TTC6: variants seen among roughly 807,000 people sequenced by gnomAD.
The protein encoded by TTC6 is tetratricopeptide repeat protein 6.
In TTC6, 172 loss-of-function variants were observed where a neutral mutation model predicts 210.4. That is an observed-to-expected ratio of 0.82 (90% CI 0.72 to 0.93). The LOEUF is 0.93. TTC6 is among the 40% of genes least tolerant of loss of function. The pLI is 0.00. For synonymous variants in TTC6, 804 were observed against 819.6 expected (o/e 0.98, Z 0.32); for missense variants, 2,414 against 2,318.1 (o/e 1.04, Z -0.85).
chr14:37,616,739 CAAAAAAAA>C (rs11416796), intron 2 of TTC6, among the ~76,000 whole-genome samples: 1 of 98,268 alleles, frequency 1.0e-5, no homozygotes, highest in African/African-American at 3.9e-5. Flanking sequence ...TACTCCATCT[CAAAAAAAA>C]AAAAAAAAAA....
chr14:37,674,032 T>G (rs2095763726), intron 1 of TTC6, among the ~76,000 whole-genome samples: 1 of 152,178 alleles, frequency 6.6e-6, no homozygotes. Context: ...AGCAAAATAC[T>G]AATTGTGCTA....
chr14:37,627,982 T>C (rs1300190943), intron 1 of TTC6, among the ~76,000 whole-genome samples: 2 of 152,146 alleles, frequency 1.3e-5, no homozygotes, highest in Non-Finnish European at 2.9e-5. Context: ...TTTTTGTTTT[T>C]GTTTTGAGAT....
chr14:37,759,384 T>C (rs1480089127), intron 14 of TTC6, among the ~76,000 whole-genome samples: 10 of 152,224 alleles, frequency 6.6e-5, no homozygotes, highest in Admixed American at 5.9e-4. Flanking sequence ...GTTAGTCTGA[T>C]GGGCTTCCCT....
intron 24 of TTC6, among the ~76,000 whole-genome samples, chr14:37,810,866 G>T (rs2096128150): frequency 6.6e-6 from 1 of 152,048 alleles, no homozygotes; most frequent in African/African-American, 2.4e-5. Flanking sequence ...ACTTATTTAG[G>T]GCTTATTGTG....
chr14:37,707,663 T>C (rs1378230452), intron 5 of TTC6, among the ~76,000 whole-genome samples: 1 of 152,124 alleles, frequency 6.6e-6, no homozygotes, highest in Non-Finnish European at 1.5e-5. Flanking sequence ...CTATAATAAA[T>C]CTTTCTCAAA....
In TTC6 at chr14:37,598,556, A is replaced by G. The variant is rs973334235; in HGVS notation, c.-235+2548A>G. ...TGACCACGCTTGGCTGCCTCAGCTT[A>G]CACTTCCCAGCAGGATCTGGCTGGG... On this transcript the variant is annotated intron_variant, in intron 1 of 2. Coordinates refer to the TTC6 transcript ENST00000556845. This position sits in a 1 kb window ranked among gnomAD's most constrained non-coding sequence, Gnocchi z 4.9. Among the ~76,000 whole-genome samples, 5 of 152,176 alleles carry G rather than the reference A, an allele frequency of 3.3e-5. No individual in the cohort carries two copies. The highest frequency in any genetic ancestry group is 7.2e-5 in the African/African-American group (3 of 41,454).
At chr14:37,778,311 G>A (rs1323633841) in intron 14 of TTC6, among the ~76,000 whole-genome samples, 2 of 149,812 alleles carry the variant, frequency 1.3e-5, no homozygotes, top group Non-Finnish European at 3.0e-5. Context: ...GCCTTCATGT[G>A]CGTGTTCTTA....
At chr14:37,807,209 T>C in intron 22 of TTC6, 111 bp from the exon 25 acceptor site, 1 of 1,023,550 alleles carries the variant, frequency 9.8e-7, no homozygotes, top group Non-Finnish European at 1.3e-6. Flanking sequence ...AGACTATATT[T>C]TAATACCCTT....
chr14:37,737,906 T>C lies in TTC6; in HGVS notation c.1983+172T>C, dbSNP rs1357951065. 3.3e-5 allele frequency among the ~76,000 whole-genome samples: 5 copies of C among 152,114 alleles called. No individual in the cohort carries two copies. The East Asian group carries it at 9.6e-4, about 29-fold the overall frequency. On this transcript the variant is annotated intron_variant, in intron 9 of 30. Coordinates refer to ENST00000553443, the Ensembl canonical transcript of TTC6. ...ATGGGGGAGTACAGTAAGTTGCAGA[T>C]GGTCAATATCTCTGTTGTACTTTAG...
chr14:37,805,416 GACACACACACAC>G (rs60931072), intron 21 of TTC6, among the ~76,000 whole-genome samples: 5,466 of 146,512 alleles, frequency 0.037, 141 homozygotes, highest in Non-Finnish European at 0.057. Context: ...TCTATCTCAA[GACACACACACAC>G]ACACACACAC....
chr14:37,696,497 GTAAA>G (rs1284783461), intron 3 of TTC6, among the ~76,000 whole-genome samples: 2 of 151,898 alleles, frequency 1.3e-5, no homozygotes, highest in South Asian at 4.2e-4. Context: ...TAAAAATGTT[GTAAA>G]TAAACATGAT....
At chr14:37,638,356 G>A (rs1051777049) in intron 1 of TTC6, among the ~76,000 whole-genome samples, 2 of 152,070 alleles carry the variant, frequency 1.3e-5, no homozygotes, top group African/African-American at 4.8e-5. Flanking sequence ...CTGGGTTCAC[G>A]AGGTTTTCCT....
intron 7 of TTC6, among the ~76,000 whole-genome samples, chr14:37,729,128 T>C (rs979753258): frequency 1.3e-5 from 2 of 152,224 alleles, no homozygotes; most frequent in African/African-American, 4.8e-5. Flanking sequence ...TTGGAATTCC[T>C]AGTCAAAGTG....
At chr14:37,643,445 A>G (rs1295016710) in intron 1 of TTC6, among the ~76,000 whole-genome samples, 1 of 152,216 alleles carries the variant, frequency 6.6e-6, no homozygotes, top group Non-Finnish European at 1.5e-5. Flanking sequence ...TGGCCTTACC[A>G]GGAATTCCCA....
chr14:37,792,954 G>A (rs1230436407), intron 17 of TTC6, among the ~76,000 whole-genome samples: 1 of 152,002 alleles, frequency 6.6e-6, no homozygotes. Flanking sequence ...CCCCTGCCGT[G>A]ACAAATTAAA....
At chr14:37,718,659 G>C (rs1469056653) in intron 6 of TTC6, among the ~76,000 whole-genome samples, 2 of 152,188 alleles carry the variant, frequency 1.3e-5, no homozygotes, top group Non-Finnish European at 2.9e-5. Context: ...CGGGTGCAGT[G>C]GCTCATGCCT....
At chr14:37,629,446 A>G (rs566422817) in intron 1 of TTC6, among the ~76,000 whole-genome samples, 57 of 152,110 alleles carry the variant, frequency 3.7e-4, no homozygotes, top group Middle Eastern at 3.4e-3. Flanking sequence ...TGATTTTTGC[A>G]TATTGATTTT....
chr14:37,696,273 A>G (rs572775723), intron 3 of TTC6, among the ~76,000 whole-genome samples: 1 of 152,308 alleles, frequency 6.6e-6, no homozygotes, highest in African/African-American at 2.4e-5. Flanking sequence ...AAATATCTTT[A>G]CATGAGTGAT....
intron 1 of TTC6, among the ~76,000 whole-genome samples, chr14:37,648,737 T>C (rs1319162869): frequency 6.6e-6 from 1 of 152,204 alleles, no homozygotes; most frequent in Admixed American, 6.6e-5. Flanking sequence ...TGATTACTAA[T>C]TTATTCAGGA....
Sources: gnomAD v4.1 joint callset for allele counts (sites outside exome capture counted in the v4.1 genomes callset) on GRCh38, gnomAD v4.1.1 for gene constraint, Gnocchi (gnomAD v3.1) non-coding constraint, MANE v1.5 for transcripts, NCBI Gene and HGNC (gene_info 2026-07-23, HGNC 2026-07-21) for gene names.